Variants in ADGRB3 observed in about 807,000 individuals in gnomAD.
ADGRB3 encodes the protein adhesion G protein-coupled receptor B3.
ADGRB3 carries 37 observed loss-of-function variants against 193.4 expected under a neutral mutation model. The observed-to-expected ratio is 0.19, with a 90% CI of 0.15 to 0.25. ADGRB3 has a LOEUF of 0.25. Ranked by LOEUF, ADGRB3 falls within the 10% of genes least tolerant of loss-of-function variation. The probability of loss-of-function intolerance (pLI) is 1.00; values close to 1 mark genes in which losing one functional copy is unlikely to be tolerated. For missense variants in ADGRB3, 1,637 were observed against 1,852.9 expected (o/e 0.88, Z 2.14); for synonymous variants, 690 against 644.2 (o/e 1.07, Z -1.08).
At chr6:69,053,824 A>G (rs944556460) in intron 15 of ADGRB3, among the ~76,000 whole-genome samples, 11 of 152,242 alleles carry the variant, frequency 7.2e-5, no homozygotes, top group Admixed American at 2.0e-4. Context: ...TGATATAGCA[A>G]TTCTACTTCT....
intron 11 of ADGRB3, among the ~76,000 whole-genome samples, chr6:69,013,122 C>A (rs566411109): frequency 5.7e-4 from 87 of 152,210 alleles, no homozygotes; most frequent in African/African-American, 1.9e-3. Context: ...TTGTTCTCTC[C>A]TGGTTCCTGT....
chr6:69,158,174 C>G (rs1774894627), intron 17 of ADGRB3, among the ~76,000 whole-genome samples: 1 of 152,062 alleles, frequency 6.6e-6, no homozygotes, highest in African/African-American at 2.4e-5. Flanking sequence ...TTTCTCCCTA[C>G]CATATTGTAA....
intron 7 of ADGRB3, 127 bp downstream of exon 7, chr6:68,956,315 G>A (rs2150256658): frequency 3.0e-6 from 3 of 988,860 alleles, no homozygotes; most frequent in Non-Finnish European, 2.9e-6. Context: ...GTGTGTGTGT[G>A]TGTGTGTGTG....
At chr6:69,076,286 A>G (rs1772230502) in intron 17 of ADGRB3, among the ~76,000 whole-genome samples, 1 of 152,152 alleles carries the variant, frequency 6.6e-6, no homozygotes, top group South Asian at 2.1e-4. Context: ...TGTGAATTCC[A>G]TGAGGAATTT....
At chr6:68,772,874 CAAACAAACAAAAAAAAA>C (rs1218423303) in intron 3 of ADGRB3, among the ~76,000 whole-genome samples, 160 of 12,536 alleles carry the variant, frequency 0.013, 2 homozygotes, top group African/African-American at 0.033. Flanking sequence ...AACAAACAAA[CAAACAAACAAAAAAAAA>C]AAAATATATA....
intron 17 of ADGRB3, among the ~76,000 whole-genome samples, chr6:69,181,208 G>A (rs1285794182): frequency 6.6e-6 from 1 of 151,580 alleles, no homozygotes; most frequent in African/African-American, 2.4e-5. Context: ...TTTCCTTATT[G>A]AAATACAGCT....
chr6:69,073,303 A>G (rs1772132600), intron 16 of ADGRB3, among the ~76,000 whole-genome samples: 1 of 152,146 alleles, frequency 6.6e-6, no homozygotes, highest in South Asian at 2.1e-4. Flanking sequence ...AGTGCCCGGC[A>G]GGAGAGGCTC....
chr6:69,118,011 A>G (rs764774180), intron 17 of ADGRB3, among the ~76,000 whole-genome samples: 1 of 152,212 alleles, frequency 6.6e-6, no homozygotes, highest in Non-Finnish European at 1.5e-5. Flanking sequence ...AATCACAAAG[A>G]TAACAGCATA....
intron 8 of ADGRB3, among the ~76,000 whole-genome samples, chr6:68,969,197 A>G (rs756437720): frequency 6.6e-6 from 1 of 152,134 alleles, no homozygotes; most frequent in Non-Finnish European, 1.5e-5. Context: ...AGTATTTTCA[A>G]TCTGTTGTGA....
intron 17 of ADGRB3, among the ~76,000 whole-genome samples, chr6:69,196,579 T>C (rs1292340006): frequency 6.6e-6 from 1 of 152,100 alleles, no homozygotes; most frequent in East Asian, 1.9e-4. Context: ...CCAGCCCATA[T>C]TGGATTAGGG....
Position 69,132,170 on chromosome 6 carries a change from T to G in ADGRB3, c.2480+56132T>G, listed in dbSNP as rs1412656293. On this transcript the variant is annotated intron_variant, in intron 17 of 31. Transcript: ENST00000370598. ...AATGGGATTGCTGGGTCAAATGGTA[T>G]TTCTGATTCTAGATCTTTGAGGAAT... is the stretch of plus-strand genomic sequence containing the variant. Among the ~76,000 whole-genome samples, 3 of 152,132 alleles carry G rather than the reference T, an allele frequency of 2.0e-5. No individual in the cohort carries two copies. In the East Asian group the frequency reaches 5.8e-4, roughly 29 times the overall value.
chr6:68,820,075 G>A (rs986100420), intron 3 of ADGRB3, among the ~76,000 whole-genome samples: 2 of 151,618 alleles, frequency 1.3e-5, no homozygotes, highest in African/African-American at 4.8e-5. Flanking sequence ...CTTCTGCATC[G>A]ACCTGGTACC....
intron 3 of ADGRB3, among the ~76,000 whole-genome samples, chr6:68,922,291 A>G (rs1206420538): frequency 1.3e-5 from 2 of 152,158 alleles, no homozygotes; most frequent in African/African-American, 4.8e-5. Context: ...CTTTGATAAA[A>G]TTCCCCCTTA....
intron 20 of ADGRB3, among the ~76,000 whole-genome samples, chr6:69,245,574 C>A (rs6939422): frequency 0.052 from 7,969 of 152,100 alleles, 546 homozygotes; most frequent in African/African-American, 0.14. Context: ...CAAGACCAAA[C>A]TTCTAATAGT....
intron 3 of ADGRB3, among the ~76,000 whole-genome samples, chr6:68,863,294 G>T (rs889475672): frequency 6.6e-6 from 1 of 151,896 alleles, no homozygotes; most frequent in Admixed American, 6.6e-5. Context: ...ATATATTAGA[G>T]AAATTCTTAG....
At chr6:68,884,907 A>G (rs1765863101) in intron 3 of ADGRB3, among the ~76,000 whole-genome samples, 1 of 152,194 alleles carries the variant, frequency 6.6e-6, no homozygotes, top group African/African-American at 2.4e-5. Flanking sequence ...TCCTAGAAGT[A>G]CTCATACATC....
At chr6:69,200,201 G>A (rs1407408800) in intron 17 of ADGRB3, among the ~76,000 whole-genome samples, 1 of 151,590 alleles carries the variant, frequency 6.6e-6, no homozygotes, top group African/African-American at 2.4e-5. Flanking sequence ...CTAACATGAA[G>A]TTTCAAGAAA....
intron 20 of ADGRB3, among the ~76,000 whole-genome samples, chr6:69,259,562 G>T (rs1467380279): frequency 6.6e-6 from 1 of 151,898 alleles, no homozygotes; most frequent in Non-Finnish European, 1.5e-5. Flanking sequence ...CGGGCTTGGT[G>T]GCGGGCACCT....
At chr6:68,896,049 C>T (rs1766210318) in intron 3 of ADGRB3, among the ~76,000 whole-genome samples, 1 of 151,952 alleles carries the variant, frequency 6.6e-6, no homozygotes. Flanking sequence ...ATGAAGTTAG[C>T]AATCACTTTT....
Sources: gnomAD v4.1 joint callset for allele counts (sites outside exome capture counted in the v4.1 genomes callset) on GRCh38, gnomAD v4.1.1 for gene constraint, MANE v1.5 for transcripts, NCBI Gene and HGNC (gene_info 2026-07-23, HGNC 2026-07-21) for gene names.